The following MYCBP variants were observed in gnomAD, a reference collection of about 807,000 sequenced individuals.
The protein encoded by MYCBP is C-Myc-binding protein.
In MYCBP, 5 loss-of-function variants were observed where a neutral mutation model predicts 16.8. The ratio of observed to expected loss-of-function variants is 0.30; its 90% confidence interval spans 0.16 to 0.63. MYCBP has a LOEUF of 0.63. Among genes scored for constraint, MYCBP ranks in the 20% least tolerant of loss-of-function variants. MYCBP has a pLI of 0.83. For missense variants in MYCBP, 103 were observed against 121.8 expected, an observed-to-expected ratio of 0.85 and a Z score of 0.73; for synonymous variants, 35 against 43.7, an observed-to-expected ratio of 0.80 and a Z score of 0.79.
rs1642289382 is a variant in MYCBP at position 38,864,058 on chromosome 1, G to C, written c.*612C>G. ...CAACTAGGACCCACTAAAGCTCAGA[G>C]GAAAGCAATGCAAGATTATCAGACA... On this transcript the variant is annotated 3_prime_UTR_variant, in exon 5 of 5. Coordinates refer to ENST00000397572, the MANE Select transcript of MYCBP (RefSeq NM_012333.5). The C allele has an allele frequency of 6.5e-6, 1 of 153,102 alleles. No individual in the cohort carries two copies. The highest frequency in any genetic ancestry group is 2.1e-4 in the South Asian group (1 of 4,858). 9.5% of individuals were successfully genotyped at this position (153,102 alleles called of 1,614,324 possible).
chr1:38,866,044 C>CTTTTTTTTTTTTTTTTTTGTTTTTTTT (rs1642327909), intron 4 of MYCBP, among the ~76,000 whole-genome samples: 1 of 65,720 alleles, frequency 1.5e-5, no homozygotes, highest in African/African-American at 7.9e-5. Flanking sequence ...CTAAGAACCT[C>CTTTTTTTTTTTTTTTTTTGTTTTTTTT]TTTTTTTTTT....
chr1:38,870,763 G>A (rs982100559), intron 2 of MYCBP, among the ~76,000 whole-genome samples: 9 of 116,644 alleles, frequency 7.7e-5, no homozygotes, highest in African/African-American at 1.6e-4. Flanking sequence ...ACTGCAGTCC[G>A]CAGTCCGGCC....
chr1:38,867,471 T>C, intron 3 of MYCBP, 91 bp downstream of exon 3: 1 of 1,084,512 alleles, frequency 9.2e-7, no homozygotes, highest in Non-Finnish European at 1.3e-6. Flanking sequence ...AAAAGTAACT[T>C]TCTCAATATT....
chr1:38,864,537 TA>T lies in MYCBP; in HGVS notation c.*132del. ...TTTTATTGATGATTCTATGTGTTTTTAACAGAGTGTGATAGGTGAATTAAAC... is the reference window on the plus strand; with the variant it reads ...TTTTATTGATGATTCTATGTGTTTTTACAGAGTGTGATAGGTGAATTAAAC... On this transcript the variant is annotated 3_prime_UTR_variant, in exon 5 of 5. Transcript: ENST00000397572. The T allele has an allele frequency of 2.2e-6, 2 of 917,644 alleles. No homozygotes were observed. The highest frequency in any genetic ancestry group is 3.4e-6 in the Non-Finnish European group (2 of 582,340). The allele number at this position is 917,644 out of a possible 1,614,324, so 56.8% of individuals were successfully genotyped here. A position where few individuals can be genotyped will look rare whatever the true frequency, so the allele number is the denominator to read the frequency against.
chr1:38,868,634 A>G (rs368341624), intron 2 of MYCBP, among the ~76,000 whole-genome samples: 181 of 152,282 alleles, frequency 1.2e-3, no homozygotes, highest in South Asian at 2.9e-3. Context: ...GGCTGGGCGC[A>G]GTGGCTCACA....
At chr1:38,867,841 A>C (rs993787439) in intron 2 of MYCBP, among the ~76,000 whole-genome samples, 2 of 152,232 alleles carry the variant, frequency 1.3e-5, no homozygotes, top group Non-Finnish European at 2.9e-5. Context: ...ATACTGGATA[A>C]TGGGTTGCAG....
At chr1:38,871,163 C>A (rs1336325466) in intron 2 of MYCBP, among the ~76,000 whole-genome samples, 1 of 152,140 alleles carries the variant, frequency 6.6e-6, no homozygotes, top group Non-Finnish European at 1.5e-5. Flanking sequence ...ATCGCTTGAA[C>A]CCGGAGGTGG....
chr1:38,870,334 C>T (rs541357525), intron 2 of MYCBP, among the ~76,000 whole-genome samples: 358 of 151,818 alleles, frequency 2.4e-3, no homozygotes, highest in Non-Finnish European at 3.3e-3. Context: ...GCGACAGAGA[C>T]CTTGTCTCGA....
In MYCBP at chr1:38,873,312, A is replaced by T. The variant is rs1642508906; in HGVS notation, c.-7T>A. The T allele has an allele frequency of 6.2e-7, 1 of 1,601,518 alleles. No homozygotes were observed. The highest frequency in any genetic ancestry group is 1.7e-5 in the Admixed American group (1 of 59,764). ...TCACTTTGTAATGGGCCATAGTGAC[A>T]GCGGCAGCGGCGTAGCTGGCGCCGG... On this transcript the variant is annotated 5_prime_UTR_variant, in exon 1 of 5. Transcript: ENST00000397572.
chr1:38,873,275 G>C lies in MYCBP; in HGVS notation c.15+16C>G. ...CTACCGCCCGCATGCCCCCAGCCAC[G>C]CCGCGCCCCCCTCACTTTGTAATGG... On this transcript the variant is annotated intron_variant, in intron 1 of 4. Coordinates refer to ENST00000397572, the MANE Select transcript of MYCBP (RefSeq NM_012333.5). The C allele has an allele frequency of 6.2e-7, 1 of 1,600,070 alleles. No individual in the cohort carries two copies. The highest frequency in any genetic ancestry group is 1.1e-5 in the South Asian group (1 of 90,264).
At chr1:38,872,936 C>G in intron 2 of MYCBP, 82 bp downstream of exon 2, 2 of 1,483,492 alleles carry the variant, frequency 1.3e-6, no homozygotes, top group Non-Finnish European at 1.8e-6. Context: ...CCTCCTTCCC[C>G]ACGCTACGGC....
At position 38,871,427 on chromosome 1, in the gene MYCBP, CTTT is replaced by C. The variant is rs71573793; in HGVS notation, c.88+1588_88+1590del. Among the ~76,000 whole-genome samples, 12 of 110,586 alleles carry C rather than the reference CTTT, an allele frequency of 1.1e-4. No homozygotes were observed. The South Asian group carries it at 1.2e-3, about 11-fold the overall frequency. The allele number at this position is 110,586 out of a possible 152,430, so 72.5% of individuals were successfully genotyped here. A position where few individuals can be genotyped will look rare whatever the true frequency, so the allele number is the denominator to read the frequency against. On this transcript the variant is annotated intron_variant, in intron 2 of 4. Coordinates refer to ENST00000397572, the MANE Select transcript of MYCBP (RefSeq NM_012333.5). ...AATGACACACACATCCCACCTGTCA[CTTT>C]TTTTTTTTTTTTTTTTTGGAGACAG...
rs1381754010 is a variant in MYCBP, at chr1:38,863,151, A to C, written c.*1519T>G. The C allele has an allele frequency of 6.6e-6, 1 of 152,238 alleles. No individual in the cohort carries two copies. The highest frequency in any genetic ancestry group is 2.4e-5 in the African/African-American group (1 of 41,462). 9.4% of individuals were successfully genotyped at this position (152,238 alleles called of 1,614,324 possible). The stretch of plus-strand genomic sequence containing the variant: ...GTAAAAGAGAAATCTATGCAAGGGA[A>C]TGATCTTCTGGACCCCCTCCAAAAA... On this transcript the variant is annotated 3_prime_UTR_variant, in exon 5 of 5. Transcript: ENST00000397572.
chr1:38,871,367 C>A (rs1642462680), intron 2 of MYCBP, among the ~76,000 whole-genome samples: 1 of 150,820 alleles, frequency 6.6e-6, no homozygotes, highest in African/African-American at 2.4e-5. Flanking sequence ...AAAATTACTT[C>A]TTAAGAAAGG....
intron 2 of MYCBP, among the ~76,000 whole-genome samples, chr1:38,868,691 G>C (rs564378368): frequency 2.6e-5 from 4 of 152,166 alleles, no homozygotes; most frequent in Non-Finnish European, 2.9e-5. Context: ...AGATCACGAA[G>C]TCAGGAGATC....
rs1642355259 is a variant in MYCBP, at chr1:38,866,970, A to G, written c.177T>C (p.Asn59=). Residue 59 remains asparagine, a synonymous_variant, in exon 4 of 5, where the codon AAT becomes AAC. Coordinates refer to ENST00000397572, the MANE Select transcript of MYCBP (RefSeq NM_012333.5). The part of the protein sequence containing the change: ...KHHLGAATPE[N]PEIELLRLEL... ...CTAGGCGAAGCAGCTCTATTTCTGGATTTTCTGGAGTAGCAGCTCCTAAGT... is the reference window on the plus strand; with the variant it reads ...CTAGGCGAAGCAGCTCTATTTCTGGGTTTTCTGGAGTAGCAGCTCCTAAGT... 1 of 1,611,180 alleles carries G rather than the reference A, an allele frequency of 6.2e-7. No homozygotes were observed. Among genetic ancestry groups the G allele is most frequent in the African/African-American group, 1.3e-5 (1 of 74,878 alleles).
In MYCBP at chr1:38,864,271, A is replaced by C; in HGVS notation, c.*399T>G. 5.0e-6 allele frequency: 1 copy of C among 201,116 alleles called. No individual in the cohort carries two copies. The allele number at this position is 201,116 out of a possible 1,614,324, so 12.5% of individuals were successfully genotyped here. ...CAGATCTCTCCAGCTGCCTATAGGG[A>C]ATATACAGAACAGTGTCACCTTCAA... On this transcript the variant is annotated 3_prime_UTR_variant, in exon 5 of 5. Coordinates refer to ENST00000397572, the MANE Select transcript of MYCBP (RefSeq NM_012333.5).
At chr1:38,868,149 G>T (rs1485243993) in intron 2 of MYCBP, among the ~76,000 whole-genome samples, 2 of 152,170 alleles carry the variant, frequency 1.3e-5, no homozygotes, top group Admixed American at 1.3e-4. Flanking sequence ...ACTGCTATGT[G>T]GACCAGCTGG....
intron 4 of MYCBP, among the ~76,000 whole-genome samples, chr1:38,865,640 A>G: frequency 6.6e-6 from 1 of 152,080 alleles, no homozygotes; most frequent in East Asian, 1.9e-4. Context: ...CATTTCTACA[A>G]AAAGTTTAAA....
Sources: allele counts gnomAD v4.1 joint callset (sites outside exome capture counted in the v4.1 genomes callset), GRCh38; gene constraint gnomAD v4.1.1; transcripts MANE v1.5; gene names NCBI Gene and HGNC (gene_info 2026-07-23, HGNC 2026-07-21).